Variants in PTGIS observed in about 807,000 individuals in gnomAD.
The protein encoded by PTGIS is prostaglandin I2 synthase.
Under a neutral mutation model 50.3 loss-of-function variants are expected in PTGIS, and 45 were observed. The observed-to-expected ratio is 0.90, with a 90% CI of 0.70 to 1.15. The LOEUF (loss-of-function observed/expected upper bound fraction) is 1.15. Ranked by LOEUF, PTGIS falls within the 50% of genes most tolerant of loss-of-function variation. The probability of loss-of-function intolerance (pLI) is 0.00; values close to 1 mark genes in which losing one functional copy is unlikely to be tolerated. For missense variants in PTGIS, 668 were observed against 661.3 expected, an observed-to-expected ratio of 1.01 and a Z score of -0.11; for synonymous variants, 260 against 267.7, an observed-to-expected ratio of 0.97 and a Z score of 0.28.
intron 4 of PTGIS, among the ~76,000 whole-genome samples, chr20:49,542,413 G>A (rs1340562236): frequency 1.3e-5 from 2 of 152,250 alleles, no homozygotes; most frequent in Non-Finnish European, 1.5e-5. Flanking sequence ...CCAGGCCTCA[G>A]GCCCTGAAGA....
chr20:49,524,844 C>T (rs895926456), intron 5 of PTGIS, among the ~76,000 whole-genome samples: 3 of 152,164 alleles, frequency 2.0e-5, no homozygotes, highest in Non-Finnish European at 2.9e-5. Flanking sequence ...CAGTTATCTC[C>T]CACTGGGTCC....
rs946209820 is a variant in PTGIS at position 49,504,344 on chromosome 20, G to A, written c.*3576C>T. On this transcript the variant is annotated 3_prime_UTR_variant, in exon 10 of 10. Transcript: ENST00000244043. ...ATGGTCACTTTCTATTTTTGGCAGT[G>A]AGTGATACATGTTATCCACTATTGG... The A allele has an allele frequency of 3.3e-5, 5 of 152,224 alleles. No homozygotes were observed. The highest frequency in any genetic ancestry group is 1.2e-4 in the African/African-American group (5 of 41,442). 9.4% of individuals were successfully genotyped at this position (152,224 alleles called of 1,614,324 possible).
rs1462399008 is a variant in PTGIS, at chr20:49,507,906, A to G, written c.*14T>C. 2 of 1,610,218 alleles carry G rather than the reference A, an allele frequency of 1.2e-6. No homozygotes were observed. Among genetic ancestry groups the G allele is most frequent in the Admixed American group, 1.7e-5 (1 of 60,022 alleles). On this transcript the variant is annotated 3_prime_UTR_variant, in exon 10 of 10. Coordinates refer to ENST00000244043, the MANE Select transcript of PTGIS (RefSeq NM_000961.4). Reference sequence around the variant, plus strand: ...TGGGCAGAGGCGAGCACGTGGATCCATCTGCTCCCTGTGTCATGGGCGGAT... The same window carrying G: ...TGGGCAGAGGCGAGCACGTGGATCCGTCTGCTCCCTGTGTCATGGGCGGAT...
At chr20:49,528,259 G>A (rs1981841373) in intron 5 of PTGIS, among the ~76,000 whole-genome samples, 1 of 152,160 alleles carries the variant, frequency 6.6e-6, no homozygotes, top group South Asian at 2.1e-4. Context: ...GTTCTGAGTA[G>A]TGTGTTGAAA....
intron 3 of PTGIS, among the ~76,000 whole-genome samples, chr20:49,544,858 A>C (rs1196170439): frequency 6.6e-6 from 1 of 152,236 alleles, no homozygotes; most frequent in East Asian, 1.9e-4. Flanking sequence ...AGCTTGGATA[A>C]GGGACCCATA....
chr20:49,539,494 C>T (rs1982166569), intron 5 of PTGIS, 76 bp downstream of exon 5: 5 of 1,518,600 alleles, frequency 3.3e-6, no homozygotes, highest in Admixed American at 1.9e-5. Flanking sequence ...GCCTCTGGTC[C>T]TCTACCTTGA....
Position 49,547,946 on chromosome 20 carries a change from C to T in PTGIS, c.272G>A (p.Arg91His), listed in dbSNP as rs144185728. Residue 91 changes from arginine (R) to histidine (H), a missense_variant, in exon 3 of 10, where the codon CGC becomes CAC. Physicochemically the swap from Arg to His is conservative, Grantham distance 29. Coordinates refer to ENST00000244043, the MANE Select transcript of PTGIS (RefSeq NM_000961.4). The stretch of plus-strand genomic sequence containing the variant: ...ATAGGCATGGAAGTCGAGCCTGGTG[C>T]GAGGCTCCCACACCACCGCGTCGTA... ...HSYDAVVWEPRTRLDFHAYAI... is the reference protein window; with the variant it reads ...HSYDAVVWEPHTRLDFHAYAI... The T allele has an allele frequency of 3.3e-5, 53 of 1,613,982 alleles. No individual in the cohort carries two copies. The highest frequency in any genetic ancestry group is 4.4e-5 in the South Asian group (4 of 91,074).
intron 1 of PTGIS, among the ~76,000 whole-genome samples, chr20:49,561,721 C>G (rs1247705844): frequency 6.6e-6 from 1 of 152,196 alleles, no homozygotes. Context: ...CCTCTATTTC[C>G]TCATCTGTAA....
chr20:49,565,775 CAG>C (rs1210514242), intron 1 of PTGIS, among the ~76,000 whole-genome samples: 1 of 152,172 alleles, frequency 6.6e-6, no homozygotes, highest in African/African-American at 2.4e-5. Context: ...TGGAGATAAC[CAG>C]AGTGTCCCTA....
At chr20:49,528,629 C>CA (rs886989830) in intron 5 of PTGIS, among the ~76,000 whole-genome samples, 7 of 150,980 alleles carry the variant, frequency 4.6e-5, no homozygotes, top group South Asian at 2.1e-4. Context: ...GTCTCAAAAA[C>CA]AAAAAAAATA....
chr20:49,520,426 C>T (rs1215942286), intron 6 of PTGIS, among the ~76,000 whole-genome samples: 5 of 151,818 alleles, frequency 3.3e-5, no homozygotes, highest in African/African-American at 7.3e-5. Context: ...CTCCACCTCC[C>T]GGGTTCAAGT....
chr20:49,516,285 T>C (rs998232414), intron 6 of PTGIS, among the ~76,000 whole-genome samples: 1 of 152,090 alleles, frequency 6.6e-6, no homozygotes, highest in Non-Finnish European at 1.5e-5. Context: ...AATTTTTTAA[T>C]GGACACACTA....
In PTGIS at chr20:49,525,819, G is replaced by A. The variant is rs183068885; in HGVS notation, c.674-1580C>T. ...CACTGACTCTTCTGAACCACAAGCC[G>A]TGTTTCAGGAAGACTCGCCCCACCA... On this transcript the variant is annotated intron_variant, in intron 5 of 9. Coordinates refer to ENST00000244043, the MANE Select transcript of PTGIS (RefSeq NM_000961.4). Among the ~76,000 whole-genome samples, 12 of 152,212 alleles carry A rather than the reference G, an allele frequency of 7.9e-5. No homozygotes were observed. The East Asian group carries it at 1.5e-3, about 20-fold the overall frequency.
chr20:49,514,624 A>G (rs997178153), intron 6 of PTGIS, among the ~76,000 whole-genome samples: 6 of 152,266 alleles, frequency 3.9e-5, no homozygotes, highest in Non-Finnish European at 4.4e-5. Flanking sequence ...GACTGTGTGC[A>G]AAGTCACTAA....
At position 49,539,586 on chromosome 20, in the gene PTGIS, A is replaced by AGC. The variant is rs753372044; in HGVS notation, c.656_657insGC (p.Gly220LeufsTer117). On this transcript the variant is annotated frameshift_variant, in exon 5 of 10. Coordinates refer to ENST00000244043, the MANE Select transcript of PTGIS (RefSeq NM_000961.4). LOFTEE classifies it high-confidence loss of function. ...GGTGCTTACCCACTGACAGGGAGCC[A>AGC]CGGGCCAGTTTGGGGAGCAGCCGGT... 16 of 1,613,798 alleles carry AGC rather than the reference A, an allele frequency of 9.9e-6. No homozygotes were observed. The highest frequency in any genetic ancestry group is 1.4e-5 in the Non-Finnish European group (16 of 1,179,948).
At chr20:49,536,184 C>A (rs571775174) in intron 5 of PTGIS, among the ~76,000 whole-genome samples, 19 of 152,158 alleles carry the variant, frequency 1.2e-4, no homozygotes, top group Non-Finnish European at 2.6e-4. Context: ...AGGGATAATA[C>A]CACCATGCTA....
At chr20:49,524,839 A>T (rs934825133) in intron 5 of PTGIS, among the ~76,000 whole-genome samples, 1 of 152,242 alleles carries the variant, frequency 6.6e-6, no homozygotes, top group Non-Finnish European at 1.5e-5. Context: ...TGATTCAGTT[A>T]TCTCCCACTG....
chr20:49,559,600 G>GA (rs1295951014), intron 1 of PTGIS, among the ~76,000 whole-genome samples: 1 of 152,164 alleles, frequency 6.6e-6, no homozygotes, highest in African/African-American at 2.4e-5. Context: ...TCAATGCCAC[G>GA]AAACGTTACT....
At chr20:49,511,258 T>C in intron 8 of PTGIS, 79 bp from the exon 9 acceptor site, 2 of 1,537,416 alleles carry the variant, frequency 1.3e-6, no homozygotes, top group Non-Finnish European at 1.8e-6. Flanking sequence ...AGGATGTTCA[T>C]GACAGTCATG....
Sources: allele counts gnomAD v4.1 joint callset (sites outside exome capture counted in the v4.1 genomes callset), GRCh38; gene constraint gnomAD v4.1.1; transcripts MANE v1.5; gene names NCBI Gene and HGNC (gene_info 2026-07-23, HGNC 2026-07-21).